The following FUT8 variants were observed in gnomAD, a reference collection of about 807,000 sequenced individuals.
FUT8 encodes the protein fucosyltransferase 8.
FUT8 carries 29 observed loss-of-function variants against 71.3 expected under a neutral mutation model. The observed-to-expected ratio is 0.41, with a 90% CI of 0.30 to 0.55. FUT8 has a LOEUF of 0.55. FUT8 is among the 20% of genes least tolerant of loss of function. The pLI, the probability that FUT8 is intolerant of heterozygous loss-of-function variation, is 0.34. For missense variants in FUT8, 544 were observed against 702.1 expected, an observed-to-expected ratio of 0.77 and a Z score of 2.55; for synonymous variants, 254 against 239.3, an observed-to-expected ratio of 1.06 and a Z score of -0.57.
chr14:65,709,090 T>C lies in FUT8; in HGVS notation c.836-12685T>C, dbSNP rs536520200. 4.6e-5 allele frequency among the ~76,000 whole-genome samples: 7 copies of C among 152,254 alleles called. No homozygotes were observed. The South Asian group carries it at 1.5e-3, about 32-fold the overall frequency. On this transcript the variant is annotated intron_variant, in intron 7 of 10. Coordinates refer to ENST00000673929, the MANE Select transcript of FUT8 (RefSeq NM_001371533.1). ...AATCTTTCTACAACGTATATAAATA[T>C]CAAAACACCACATTGAACCCCATAA...
chr14:65,672,284 G>A (rs1333737093), intron 7 of FUT8, among the ~76,000 whole-genome samples: 2 of 152,086 alleles, frequency 1.3e-5, no homozygotes, highest in Admixed American at 6.5e-5. Context: ...GTGCCCTAAG[G>A]TTGTTGATGA....
chr14:65,470,908 C>A (rs183252824), intron 2 of FUT8, among the ~76,000 whole-genome samples: 79 of 152,114 alleles, frequency 5.2e-4, no homozygotes, highest in Non-Finnish European at 7.7e-4. Context: ...GTCTGTCCGC[C>A]TCTCCCTGTG....
At chr14:65,716,847 A>G (rs1895092814) in intron 7 of FUT8, among the ~76,000 whole-genome samples, 1 of 144,084 alleles carries the variant, frequency 6.9e-6, no homozygotes, top group South Asian at 2.1e-4. Context: ...CACTTCCCAG[A>G]CGGGGCGGCC....
chr14:65,670,975 T>G (rs1892448108), intron 7 of FUT8, among the ~76,000 whole-genome samples: 1 of 152,220 alleles, frequency 6.6e-6, no homozygotes, highest in African/African-American at 2.4e-5. Flanking sequence ...TAAGGTTATA[T>G]CTTCCACTGA....
intron 2 of FUT8, among the ~76,000 whole-genome samples, chr14:65,553,941 A>AT (rs147720807): frequency 0.012 from 1,819 of 151,038 alleles, 33 homozygotes; most frequent in African/African-American, 0.042. Context: ...GTGTTTTATC[A>AT]TTTTTTTACT....
In FUT8 at chr14:65,602,343, TCACACACACACACACA is replaced by T. The variant is rs1163052408; in HGVS notation, c.204-13590_204-13575del. 4.4e-3 allele frequency among the ~76,000 whole-genome samples: 211 copies of T among 48,490 alleles called. 4 individuals carry two copies. The highest frequency in any genetic ancestry group is 0.015 in the Middle Eastern group (2 of 130). 31.8% of individuals were successfully genotyped at this position (48,490 alleles called of 152,430 possible). ...TCATGGCCGAGTAGCGTTCCATCTC[TCACACACACACACACA>T]CACACACACACACACACACACACAC... On this transcript the variant is annotated intron_variant, in intron 3 of 10. Coordinates refer to ENST00000673929, the MANE Select transcript of FUT8 (RefSeq NM_001371533.1).
At position 65,444,087 on chromosome 14, in the gene FUT8, C is replaced by A. The variant is rs1484737130; in HGVS notation, c.-325-11534C>A. Among the ~76,000 whole-genome samples the A allele has an allele frequency of 1.3e-5, 2 of 152,142 alleles. 1 individual carries two copies. Among genetic ancestry groups the A allele is most frequent in the South Asian group, 4.1e-4 (2 of 4,830 alleles). On this transcript the variant is annotated intron_variant, in intron 1 of 10. Coordinates refer to ENST00000673929, the MANE Select transcript of FUT8 (RefSeq NM_001371533.1). ...GTTGCACATGGTTCTGAAAAGACAT[C>A]AAGCTTAGTTTAGTTTATAAAAGCA...
intron 6 of FUT8, chr14:65,636,651 T>C (rs748139509): frequency 6.6e-6 from 1 of 152,174 alleles, no homozygotes; most frequent in African/African-American, 2.4e-5. Flanking sequence ...GTTTGCATGG[T>C]TTTAAAGGTT....
chr14:65,644,896 C>A (rs1382692194), intron 6 of FUT8, among the ~76,000 whole-genome samples: 1 of 152,142 alleles, frequency 6.6e-6, no homozygotes, highest in Non-Finnish European at 1.5e-5. Flanking sequence ...GTAAAGCACA[C>A]ACAGCTTTCT....
intron 7 of FUT8, among the ~76,000 whole-genome samples, chr14:65,687,437 A>G (rs1264591635): frequency 6.6e-6 from 1 of 152,194 alleles, no homozygotes; most frequent in Non-Finnish European, 1.5e-5. Context: ...TGGTGATGCC[A>G]AATCTGTTTA....
chr14:65,722,537 C>T (rs948812486), intron 8 of FUT8, among the ~76,000 whole-genome samples: 57 of 152,154 alleles, frequency 3.7e-4, no homozygotes, highest in Non-Finnish European at 3.1e-4. Flanking sequence ...AGTTATTGAC[C>T]CCATTCTAAG....
the FUT8 span, among the ~76,000 whole-genome samples, chr14:65,395,204 A>C: frequency 6.6e-6 from 1 of 152,106 alleles, no homozygotes; most frequent in African/African-American, 2.4e-5. Context: ...GCTGGTATTG[A>C]GTGTCTGTGG....
At chr14:65,560,057 C>T (rs1406270932) in intron 2 of FUT8, among the ~76,000 whole-genome samples, 1 of 152,012 alleles carries the variant, frequency 6.6e-6, no homozygotes, top group Non-Finnish European at 1.5e-5. Flanking sequence ...TCTAGGACAG[C>T]CCTTTGATTT....
upstream of FUT8, chr14:65,412,235 G>C: frequency 2.2e-6 from 1 of 456,758 alleles, no homozygotes; most frequent in Non-Finnish European, 4.4e-6. Flanking sequence ...GATCGCGCTG[G>C]AAGCAGCAGT....
intron 7 of FUT8, among the ~76,000 whole-genome samples, chr14:65,673,270 C>A (rs17779281): frequency 6.6e-5 from 10 of 152,164 alleles, no homozygotes; most frequent in Non-Finnish European, 1.3e-4. Context: ...ATTTGACATC[C>A]TTAAGGTTTA....
intron 2 of FUT8, among the ~76,000 whole-genome samples, chr14:65,484,215 A>T (rs1002592521): frequency 6.6e-6 from 1 of 152,186 alleles, no homozygotes; most frequent in African/African-American, 2.4e-5. Context: ...TTCCATTCTA[A>T]TAAAAAGACA....
chr14:65,716,201 A>G lies in FUT8; in HGVS notation c.836-5574A>G, dbSNP rs1408695883. ...CCTTTGTTGATTTTCTGTCTGTCCA[A>G]TTCTGAAAGTGAGGTGTTGAAATCT... On this transcript the variant is annotated intron_variant, in intron 7 of 10. Transcript: ENST00000673929. Among the ~76,000 whole-genome samples the G allele has an allele frequency of 4.6e-5, 7 of 152,210 alleles. No homozygotes were observed. In the South Asian group the frequency reaches 1.2e-3, roughly 27 times the overall value.
chr14:65,481,300 A>G (rs984841164), intron 2 of FUT8, among the ~76,000 whole-genome samples: 4 of 151,986 alleles, frequency 2.6e-5, no homozygotes, highest in Non-Finnish European at 5.9e-5. Context: ...GTTGAGTCAG[A>G]TTTTTTGTTG....
intron 7 of FUT8, among the ~76,000 whole-genome samples, chr14:65,697,739 T>G (rs1479735966): frequency 6.6e-6 from 1 of 151,860 alleles, no homozygotes; most frequent in Non-Finnish European, 1.5e-5. Context: ...CGGTCAGGAG[T>G]GAGGTGGGTG....
Sources: allele counts gnomAD v4.1 joint callset (sites outside exome capture counted in the v4.1 genomes callset), GRCh38; gene constraint gnomAD v4.1.1; transcripts MANE v1.5; gene names NCBI Gene and HGNC (gene_info 2026-07-23, HGNC 2026-07-21).